Variants in CNOT4 observed in about 807,000 individuals in gnomAD.
CNOT4 encodes the protein CCR4-NOT transcription complex subunit 4.
A neutral mutation model predicts 73.8 loss-of-function variants in CNOT4; 8 were observed. The observed-to-expected ratio is 0.11, with a 90% confidence interval of 0.06 to 0.20. The LOEUF (loss-of-function observed/expected upper bound fraction) is 0.20. Ranked by LOEUF, CNOT4 falls within the 10% of genes least tolerant of loss-of-function variation. CNOT4 has a pLI of 1.00. For synonymous variants in CNOT4, 293 were observed against 321.1 expected (o/e 0.91, Z 0.94); for missense variants, 564 against 883.4 (o/e 0.64, Z 4.58).
intron 1 of CNOT4, among the ~76,000 whole-genome samples, chr7:135,451,606 C>G (rs549010561): frequency 3.4e-4 from 52 of 152,084 alleles, no homozygotes; most frequent in Middle Eastern, 3.4e-3. Flanking sequence ...TGTTTTTACA[C>G]TAAAAAAGAA....
intron 3 of CNOT4, among the ~76,000 whole-genome samples, chr7:135,421,237 G>A (rs959992893): frequency 6.6e-6 from 1 of 151,836 alleles, no homozygotes; most frequent in African/African-American, 2.4e-5. Context: ...CTCCTTCTGG[G>A]GCCTTTAACA....
At chr7:135,410,447 T>C (rs1797530684) in intron 7 of CNOT4, 68 bp downstream of exon 7, 2 of 1,079,392 alleles carry the variant, frequency 1.9e-6, no homozygotes, top group South Asian at 4.3e-5. Context: ...CTGAAAAAGA[T>C]CTAAAATGAA....
At chr7:135,471,345 A>G (rs1339670438) in intron 1 of CNOT4, among the ~76,000 whole-genome samples, 2 of 152,218 alleles carry the variant, frequency 1.3e-5, no homozygotes, top group Middle Eastern at 3.2e-3. Flanking sequence ...GATACTTTTA[A>G]GAAACTTAAG....
At chr7:135,411,617 T>C (rs566171130) in intron 6 of CNOT4, among the ~76,000 whole-genome samples, 1 of 152,110 alleles carries the variant, frequency 6.6e-6, no homozygotes, top group South Asian at 2.1e-4. Context: ...ATAATGAACT[T>C]ACTTTGAGTA....
At chr7:135,436,625 A>G (rs923300909) in intron 2 of CNOT4, among the ~76,000 whole-genome samples, 7 of 151,020 alleles carry the variant, frequency 4.6e-5, no homozygotes, top group Non-Finnish European at 8.9e-5. Flanking sequence ...TACATGAAAT[A>G]TTATATATAT....
intron 7 of CNOT4, among the ~76,000 whole-genome samples, chr7:135,407,621 G>A (rs1797364252): frequency 6.6e-6 from 1 of 152,168 alleles, no homozygotes; most frequent in Non-Finnish European, 1.5e-5. Context: ...CAATAAAACA[G>A]GAAAAAGAAA....
At chr7:135,365,846 T>A (rs968280760) in intron 10 of CNOT4, among the ~76,000 whole-genome samples, 9 of 152,122 alleles carry the variant, frequency 5.9e-5, no homozygotes, top group Non-Finnish European at 8.8e-5. Flanking sequence ...CAATCACTAG[T>A]TTCCCCCTGG....
intron 3 of CNOT4, among the ~76,000 whole-genome samples, chr7:135,419,360 GA>G (rs1798050364): frequency 6.6e-6 from 1 of 152,086 alleles, no homozygotes; most frequent in Admixed American, 6.6e-5. Flanking sequence ...CTAACAATTT[GA>G]ACCTTCTTTT....
chr7:135,429,410 TC>T (rs1315187876), intron 2 of CNOT4, among the ~76,000 whole-genome samples: 1 of 152,196 alleles, frequency 6.6e-6, no homozygotes, highest in Admixed American at 6.5e-5. Flanking sequence ...AGTTGCCTCT[TC>T]CTAGAAATAA....
chr7:135,506,202 T>G (rs527255577), intron 1 of CNOT4, among the ~76,000 whole-genome samples: 10 of 152,332 alleles, frequency 6.6e-5, no homozygotes, highest in African/African-American at 2.2e-4. Flanking sequence ...TAAACAAGTT[T>G]TATCCAATAC....
intron 1 of CNOT4, chr7:135,444,418 A>C: frequency 1.4e-6 from 1 of 740,316 alleles, no homozygotes; most frequent in South Asian, 1.4e-5. Context: ...ATACCATGGA[A>C]TATTAGAATA....
Position 135,364,142 on chromosome 7 carries a change from A to G in CNOT4, c.1628-76T>C. 1 of 1,074,406 alleles carries G rather than the reference A, an allele frequency of 9.3e-7. No individual in the cohort carries two copies. The highest frequency in any genetic ancestry group is 1.4e-6 in the Non-Finnish European group (1 of 734,914). 66.6% of individuals were successfully genotyped at this position (1,074,406 alleles called of 1,614,324 possible). A position where few individuals can be genotyped will look rare whatever the true frequency, so the allele number is the denominator to read the frequency against. On this transcript the variant is annotated intron_variant, in intron 10 of 11. Transcript: ENST00000541284. This position sits in a 1 kb window ranked among gnomAD's most constrained non-coding sequence, Gnocchi z 4.3. Reference sequence around the variant, plus strand: ...ACGTTAGAAACATATGTTGTTCTTTAGTGGTTAAGCGGGAGAAGAATTATT... The same window carrying G: ...ACGTTAGAAACATATGTTGTTCTTTGGTGGTTAAGCGGGAGAAGAATTATT...
At chr7:135,455,571 G>T (rs1339015395) in intron 1 of CNOT4, among the ~76,000 whole-genome samples, 1 of 151,306 alleles carries the variant, frequency 6.6e-6, no homozygotes, top group African/African-American at 2.4e-5. Flanking sequence ...AAGCCCACAG[G>T]TTTAAAAAAA....
At chr7:135,469,818 T>TTTTG (rs145972218) in intron 1 of CNOT4, among the ~76,000 whole-genome samples, 16 of 151,976 alleles carry the variant, frequency 1.1e-4, no homozygotes, top group African/African-American at 3.9e-4. Context: ...GTGTGGGTTT[T>TTTTG]TTTGTTTGTT....
intron 3 of CNOT4, among the ~76,000 whole-genome samples, chr7:135,417,084 A>T (rs2129484290): frequency 6.6e-6 from 1 of 152,240 alleles, no homozygotes; most frequent in East Asian, 1.9e-4. Flanking sequence ...CACCAGTAAC[A>T]ATCTGCATTT....
intron 3 of CNOT4, among the ~76,000 whole-genome samples, chr7:135,418,752 C>G (rs1798013134): frequency 6.6e-6 from 1 of 152,152 alleles, no homozygotes; most frequent in South Asian, 2.1e-4. Context: ...GGGCACTCTT[C>G]TTTATGTGCT....
chr7:135,372,243 A>G (rs549845677), intron 10 of CNOT4, among the ~76,000 whole-genome samples: 1 of 152,350 alleles, frequency 6.6e-6, no homozygotes, highest in East Asian at 1.9e-4. Context: ...CTGACCAACG[A>G]AGAACTGGTT....
intron 1 of CNOT4, among the ~76,000 whole-genome samples, chr7:135,469,381 C>CT (rs1362105451): frequency 6.6e-6 from 1 of 152,114 alleles, no homozygotes. Flanking sequence ...CAAAAATTCT[C>CT]TTTTTGTTTA....
At chr7:135,424,035 AACAAAAC>A (rs1563041469) in intron 2 of CNOT4, among the ~76,000 whole-genome samples, 1 of 134,918 alleles carries the variant, frequency 7.4e-6, no homozygotes, top group African/African-American at 2.9e-5. Context: ...CAAACAAACA[AACAAAAC>A]ACACACACAC....
Sources: allele counts gnomAD v4.1 joint callset (sites outside exome capture counted in the v4.1 genomes callset), GRCh38; gene constraint gnomAD v4.1.1; non-coding constraint Gnocchi (gnomAD v3.1); transcripts MANE v1.5; gene names NCBI Gene and HGNC (gene_info 2026-07-23, HGNC 2026-07-21).